The following PCDHGA1 variants were observed in gnomAD, a reference collection of about 807,000 sequenced individuals.
PCDHGA1 encodes the protein protocadherin gamma-A1.
A neutral mutation model predicts 58.0 loss-of-function variants in PCDHGA1; 32 were observed. The ratio of observed to expected loss-of-function variants is 0.55; its 90% CI spans 0.42 to 0.74. PCDHGA1 has a LOEUF of 0.74. PCDHGA1 is among the 30% of genes least tolerant of loss of function. The pLI, the probability that PCDHGA1 is intolerant of heterozygous loss-of-function variation, is 0.00. For missense variants in PCDHGA1, 1,205 were observed against 1,182.3 expected (o/e 1.02, Z -0.28); for synonymous variants, 498 against 501.1 (o/e 0.99, Z 0.08).
At position 141,376,680 on chromosome 5, in the gene PCDHGA1, T is replaced by G. The variant is rs554753091; in HGVS notation, c.2421+43575T>G. 2,414 of 666,784 alleles carry G rather than the reference T, an allele frequency of 3.6e-3. 9 individuals carry two copies. The highest frequency in any genetic ancestry group is 3.7e-3 in the Non-Finnish European group (1,658 of 442,514). 41.3% of individuals were successfully genotyped at this position (666,784 alleles called of 1,614,324 possible). A position where few individuals can be genotyped will look rare whatever the true frequency, so the allele number is the denominator to read the frequency against. ...CCTTGTTCAGGTGAGGGTATCGTTT[T>G]TTTTTTTTTTTTTTTTTGAGACGGA... On this transcript the variant is annotated intron_variant, in intron 1 of 3. Coordinates refer to ENST00000517417, the MANE Select transcript of PCDHGA1 (RefSeq NM_018912.3).
intron 1 of PCDHGA1, chr5:141,410,564 T>C: frequency 6.2e-7 from 1 of 1,612,612 alleles, no homozygotes; most frequent in Non-Finnish European, 8.5e-7. Context: ...TCCTGGAGCC[T>C]TAATTCCACC....
chr5:141,383,440 G>C, intron 1 of PCDHGA1: 1 of 1,613,950 alleles, frequency 6.2e-7, no homozygotes, highest in African/African-American at 1.3e-5. Flanking sequence ...CTTCTCCCTG[G>C]CTGTGCAAAG....
chr5:141,375,743 G>C, intron 1 of PCDHGA1: 2 of 1,614,238 alleles, frequency 1.2e-6, no homozygotes, highest in East Asian at 2.2e-5. Flanking sequence ...GTTTGTGCTG[G>C]ACCAGAATGA....
intron 1 of PCDHGA1, chr5:141,364,463 G>C: frequency 6.2e-7 from 1 of 1,614,000 alleles, no homozygotes; most frequent in Admixed American, 1.7e-5. Context: ...AGGCTCCTTC[G>C]TCGGCAACAT....
intron 1 of PCDHGA1, chr5:141,356,070 G>A (rs1284075623): frequency 1.9e-6 from 3 of 1,613,902 alleles, no homozygotes; most frequent in East Asian, 2.2e-5. Flanking sequence ...AAATATCACA[G>A]CTATTTCAGT....
At chr5:141,422,201 G>A in intron 1 of PCDHGA1, 1 of 1,562,386 alleles carries the variant, frequency 6.4e-7, no homozygotes, top group Non-Finnish European at 8.6e-7. Context: ...GGCCAAGATG[G>A]TGGAGGTCTC....
At chr5:141,452,370 G>A (rs2098739834) in intron 1 of PCDHGA1, among the ~76,000 whole-genome samples, 1 of 152,136 alleles carries the variant, frequency 6.6e-6, no homozygotes, top group Non-Finnish European at 1.5e-5. Flanking sequence ...CTTCATTTTA[G>A]TAGGGAATAG....
intron 1 of PCDHGA1, among the ~76,000 whole-genome samples, chr5:141,337,904 C>T (rs1298791486): frequency 6.6e-6 from 1 of 152,074 alleles, no homozygotes; most frequent in East Asian, 1.9e-4. Flanking sequence ...GGTGAAAAAC[C>T]CCTTCCGGCT....
rs752660538 is a variant in PCDHGA1 at position 141,486,495 on chromosome 5, T to C, written c.2422-8312T>C. 1 of 1,614,074 alleles carries C rather than the reference T, an allele frequency of 6.2e-7. No individual in the cohort carries two copies. The highest frequency in any genetic ancestry group is 8.5e-7 in the Non-Finnish European group (1 of 1,179,922). On this transcript the variant is annotated intron_variant, in intron 1 of 3. Transcript: ENST00000517417. The surrounding 1 kb of genome is among the most constrained non-coding windows in gnomAD (Gnocchi z 5.0). ...CCTCCTCTCAGTACCCACAGAACTA[T>C]TTTCCTCAATATTTCAGATGTGAAT...
chr5:141,463,596 C>T (rs922480221), intron 1 of PCDHGA1, among the ~76,000 whole-genome samples: 5 of 151,874 alleles, frequency 3.3e-5, no homozygotes, highest in Admixed American at 2.0e-4. Flanking sequence ...CTACAGGTGC[C>T]TGCCACCATG....
At chr5:141,427,700 C>A in intron 1 of PCDHGA1, 3 of 945,490 alleles carry the variant, frequency 3.2e-6, no homozygotes, top group South Asian at 2.7e-5. Flanking sequence ...TCCCACAAGT[C>A]AGCGCCTCTG....
intron 1 of PCDHGA1, chr5:141,417,768 C>T: frequency 6.9e-7 from 1 of 1,451,358 alleles, no homozygotes; most frequent in Non-Finnish European, 9.1e-7. Context: ...ACCCGGGACT[C>T]CTCCTGTCCT....
rs200601557 is a variant in PCDHGA1, at chr5:141,432,538, G to A, written c.2422-62269G>A. 5.0e-6 allele frequency: 8 copies of A among 1,613,908 alleles called. No homozygotes were observed. The highest frequency in any genetic ancestry group is 1.7e-5 in the Admixed American group (1 of 60,012). On this transcript the variant is annotated intron_variant, in intron 1 of 3. Coordinates refer to ENST00000517417, the MANE Select transcript of PCDHGA1 (RefSeq NM_018912.3). The surrounding 1 kb of genome is among the most constrained non-coding windows in gnomAD (Gnocchi z 6.0). ...GCTACCTGGTGACCAAGGTGGTGGCGGTGGACAGAGACTCCGGCCAGAACG... is the reference window on the plus strand; with the variant it reads ...GCTACCTGGTGACCAAGGTGGTGGCAGTGGACAGAGACTCCGGCCAGAACG...
chr5:141,355,945 G>C, intron 1 of PCDHGA1: 4 of 1,613,848 alleles, frequency 2.5e-6, no homozygotes, highest in Non-Finnish European at 3.4e-6. Context: ...CGAGTACCAC[G>C]TAAGTGTTCG....
intron 1 of PCDHGA1, chr5:141,343,826 TCCA>T (rs991309299): frequency 4.1e-6 from 2 of 489,242 alleles, no homozygotes; most frequent in Non-Finnish European, 3.6e-6. Flanking sequence ...GGAGAACTAG[TCCA>T]CCATTTCCTT....
chr5:141,366,976 A>C, intron 1 of PCDHGA1: 1 of 544,366 alleles, frequency 1.8e-6, no homozygotes, highest in Non-Finnish European at 3.0e-6. Flanking sequence ...AAATACCTTA[A>C]AGGAAAGTGG....
intron 1 of PCDHGA1, chr5:141,355,795 G>T (rs751391789): frequency 6.2e-6 from 10 of 1,613,288 alleles, no homozygotes; most frequent in Admixed American, 1.7e-5. Flanking sequence ...GCTGGAACGC[G>T]CTCTAGATCG....
chr5:141,344,355 A>G (rs753531988), intron 1 of PCDHGA1: 1 of 1,613,876 alleles, frequency 6.2e-7, no homozygotes, highest in Middle Eastern at 1.7e-4. Flanking sequence ...AAAAATTAAC[A>G]TTCTGGTTGA....
At chr5:141,394,798 T>C (rs770334197) in intron 1 of PCDHGA1, 1 of 1,613,818 alleles carries the variant, frequency 6.2e-7, no homozygotes, top group Non-Finnish European at 8.5e-7. Flanking sequence ...ACGCTCACCG[T>C]AGCCGTGGCT....
Sources: gnomAD v4.1 joint callset for allele counts (sites outside exome capture counted in the v4.1 genomes callset) on GRCh38, gnomAD v4.1.1 for gene constraint, Gnocchi (gnomAD v3.1) non-coding constraint, MANE v1.5 for transcripts, NCBI Gene and HGNC (gene_info 2026-07-23, HGNC 2026-07-21) for gene names.